The following TLN1 variants were observed in gnomAD, a reference collection of about 807,000 sequenced individuals.
The protein encoded by TLN1 is talin 1.
TLN1 carries 56 observed loss-of-function variants against 292.3 expected under a neutral mutation model. The observed-to-expected ratio is 0.19, with a 90% confidence interval of 0.15 to 0.24. The LOEUF (loss-of-function observed/expected upper bound fraction) is 0.24, where lower values mean the gene tolerates loss of function less well. Ranked by LOEUF, TLN1 falls within the 10% of genes least tolerant of loss-of-function variation. TLN1 has a pLI of 1.00. For synonymous variants in TLN1, 1,119 were observed against 1,253.7 expected, an observed-to-expected ratio of 0.89 and a Z score of 2.27; for missense variants, 2,433 against 3,248.2, an observed-to-expected ratio of 0.75 and a Z score of 6.10.
intron 7 of TLN1, 94 bp downstream of exon 7, chr9:35,723,858 G>GT (rs1254331071): frequency 1.3e-6 from 2 of 1,559,180 alleles, no homozygotes; most frequent in Non-Finnish European, 1.7e-6. Flanking sequence ...AGAAGAAATA[G>GT]TGGGGGGCAG....
intron 30 of TLN1, 29 bp downstream of exon 30, chr9:35,711,226 C>T: frequency 1.2e-6 from 2 of 1,613,892 alleles, no homozygotes; most frequent in Non-Finnish European, 1.7e-6. Context: ...TCACACAGTC[C>T]AGGGCTGGGC....
chr9:35,713,499 C>A (rs1825715020), intron 25 of TLN1, among the ~76,000 whole-genome samples: 1 of 152,096 alleles, frequency 6.6e-6, no homozygotes, highest in Admixed American at 6.5e-5. Flanking sequence ...GCCTGGGCAA[C>A]ATGGCGAAAC....
chr9:35,706,908 C>T lies in TLN1; in HGVS notation c.4956-8G>A. On this transcript the variant is annotated splice_polypyrimidine_tract_variant and splice_region_variant and intron_variant, in intron 37 of 56. Coordinates refer to ENST00000314888, the MANE Select transcript of TLN1 (RefSeq NM_006289.4). The surrounding 1 kb of genome is among the most constrained non-coding windows in gnomAD (Gnocchi z 4.2). ...TGCCCTGGAGCCTTGTCCCTGCAGA[C>T]ACATCATGGGCTCCAACACCAAGAA... 6.2e-7 allele frequency: 1 copy of T among 1,613,668 alleles called. No homozygotes were observed. Among genetic ancestry groups the T allele is most frequent in the South Asian group, 1.1e-5 (1 of 91,050 alleles).
Position 35,697,698 on chromosome 9 carries a change from G to T in TLN1, c.*93C>A. 3.2e-6 allele frequency: 5 copies of T among 1,545,548 alleles called. No homozygotes were observed. Among genetic ancestry groups the T allele is most frequent in the Admixed American group, 1.8e-5 (1 of 55,020 alleles). ...TGGCAGGCACTTTGGGGAGTGCTGG[G>T]GTTGGGCAGGTTGGGCCCCGACAGC... On this transcript the variant is annotated 3_prime_UTR_variant, in exon 57 of 57. Transcript: ENST00000314888.
Position 35,719,887 on chromosome 9 carries a change from T to C in TLN1, c.1465-34A>G. 6.4e-7 allele frequency: 1 copy of C among 1,569,142 alleles called. No individual in the cohort carries two copies. The highest frequency in any genetic ancestry group is 1.2e-5 in the South Asian group (1 of 86,416). ...AAGTGGGGAGAAACAGGGACTGGAA[T>C]GGATGTTTGGAGAAAAGAGAAGGTA... is the stretch of plus-strand genomic sequence containing the variant. On this transcript the variant is annotated intron_variant, in intron 13 of 56. Coordinates refer to ENST00000314888, the MANE Select transcript of TLN1 (RefSeq NM_006289.4). The surrounding 1 kb of genome is among the most constrained non-coding windows in gnomAD (Gnocchi z 4.6).
chr9:35,701,297 A>G (rs1260210142), intron 48 of TLN1, among the ~76,000 whole-genome samples: 1 of 152,066 alleles, frequency 6.6e-6, no homozygotes, highest in Admixed American at 6.6e-5. Flanking sequence ...TCTAATATAT[A>G]TATATTTCTT....
At chr9:35,725,807 G>C in intron 1 of TLN1, 80 bp from the exon 2 acceptor site, 2 of 1,355,110 alleles carry the variant, frequency 1.5e-6, no homozygotes, top group Admixed American at 2.1e-5. Flanking sequence ...TCCAAGGGAA[G>C]AGTGTTTTTG....
Position 35,707,692 on chromosome 9 carries a change from A to ACAGGT in TLN1, c.4632+34_4632+38dup. 1 of 1,613,486 alleles carries ACAGGT rather than the reference A, an allele frequency of 6.2e-7. No homozygotes were observed. Among genetic ancestry groups the ACAGGT allele is most frequent in the Non-Finnish European group, 8.5e-7 (1 of 1,179,540 alleles). On this transcript the variant is annotated intron_variant, in intron 35 of 56. Coordinates refer to ENST00000314888, the MANE Select transcript of TLN1 (RefSeq NM_006289.4). This position sits in a 1 kb window ranked among gnomAD's most constrained non-coding sequence, Gnocchi z 5.6. ...TGGGGGACTCGGGGGAGAAGATAGGACAGGTCAGGGAGAGGCTGGGAATTC... is the reference window on the plus strand; with the variant it reads ...TGGGGGACTCGGGGGAGAAGATAGGACAGGTCAGGTCAGGGAGAGGCTGGGAATTC...
chr9:35,710,428 A>C (rs926032815), intron 33 of TLN1, 133 bp downstream of exon 33: 11 of 1,295,270 alleles, frequency 8.5e-6, no homozygotes, highest in Non-Finnish European at 1.2e-5. Flanking sequence ...CTTCAGGAGG[A>C]GGACAACCCA....
chr9:35,700,534 T>A (rs1013195007), intron 48 of TLN1, among the ~76,000 whole-genome samples, 158 bp from the exon 49 acceptor site: 7 of 151,938 alleles, frequency 4.6e-5, no homozygotes, highest in Non-Finnish European at 1.0e-4. Context: ...CTGGGGAGTT[T>A]GTTTGTTTGT....
rs765301783 is a variant in TLN1 at position 35,705,858 on chromosome 9, G to T, written c.5512-7C>A. 1.2e-6 allele frequency: 2 copies of T among 1,614,206 alleles called. No homozygotes were observed. Among genetic ancestry groups the T allele is most frequent in the Non-Finnish European group, 1.7e-6 (2 of 1,180,034 alleles). On this transcript the variant is annotated splice_region_variant and splice_polypyrimidine_tract_variant and intron_variant, in intron 41 of 56. Coordinates refer to ENST00000314888, the MANE Select transcript of TLN1 (RefSeq NM_006289.4). ...CCATTGGTCCTTCATCTAGCTGAGG[G>T]GGGAGGATAGGGAAAGGGAAAGACT...
In TLN1 at chr9:35,717,833, TCA is replaced by T. The variant is rs1464869835; in HGVS notation, c.1996-49_1996-48del. The T allele has an allele frequency of 9.6e-6, 15 of 1,567,490 alleles. No individual in the cohort carries two copies. The highest frequency in any genetic ancestry group is 2.3e-4 in the Middle Eastern group (1 of 4,294). Reference sequence around the variant, plus strand: ...CATGACCTGAGATTGGGCTTGGGATTCACAGACACTTCTCAGAGGCGTAAGCT... The same window carrying T: ...CATGACCTGAGATTGGGCTTGGGATTCAGACACTTCTCAGAGGCGTAAGCT... On this transcript the variant is annotated intron_variant, in intron 17 of 56. Transcript: ENST00000314888. This position sits in a 1 kb window ranked among gnomAD's most constrained non-coding sequence, Gnocchi z 4.7.
intron 25 of TLN1, among the ~76,000 whole-genome samples, 189 bp downstream of exon 25, chr9:35,713,764 G>C (rs1825721583): frequency 7.0e-6 from 1 of 143,684 alleles, no homozygotes; most frequent in South Asian, 2.2e-4. Flanking sequence ...AGAAAAGAAA[G>C]GAAGGAAGAA....
chr9:35,701,015 CAG>C (rs1421842774), intron 48 of TLN1, among the ~76,000 whole-genome samples: 1 of 152,152 alleles, frequency 6.6e-6, no homozygotes, highest in Non-Finnish European at 1.5e-5. Flanking sequence ...AGAATAGAGA[CAG>C]TGCTGTGATG....
intron 27 of TLN1, 82 bp from the exon 28 acceptor site, chr9:35,712,206 T>C (rs1462452298): frequency 2.0e-6 from 3 of 1,503,296 alleles, no homozygotes; most frequent in Non-Finnish European, 2.7e-6. Context: ...GGGAGATGAC[T>C]AGCTCTACTG....
In TLN1 at chr9:35,710,670, G is replaced by C; in HGVS notation, c.4217C>G (p.Ala1406Gly). 2.5e-6 allele frequency: 4 copies of C among 1,614,174 alleles called. No individual in the cohort carries two copies. Among genetic ancestry groups the C allele is most frequent in the Non-Finnish European group, 3.4e-6 (4 of 1,180,034 alleles). Residue 1406 changes from alanine to glycine, a missense_variant, in exon 33 of 57, where the codon GCC becomes GGC. By Grantham distance (60) the Ala-to-Gly change is moderately conservative. Transcript: ENST00000314888. Reference sequence around the variant, plus strand: ...GGCATTTTGGGAGATGCCAGTCATGGCCTCGCCCAGCACCTGAGGAACAGA... The same window carrying C: ...GGCATTTTGGGAGATGCCAGTCATGCCCTCGCCCAGCACCTGAGGAACAGA... ...VMENSKVLGE[A>G]MTGISQNAKN...
At chr9:35,710,964 T>C (rs369392998) in intron 31 of TLN1, 25 bp downstream of exon 31, 2 of 1,613,892 alleles carry the variant, frequency 1.2e-6, no homozygotes, top group African/African-American at 2.7e-5. Context: ...TCAACCTCAA[T>C]GCCATCAGCC....
chr9:35,715,007 C>T (rs998069436), intron 21 of TLN1, 52 bp downstream of exon 21: 4 of 1,611,976 alleles, frequency 2.5e-6, no homozygotes, highest in Non-Finnish European at 3.4e-6. Flanking sequence ...CAGTTCATTC[C>T]TCCCACAGCA....
chr9:35,700,634 G>C (rs1369582788), intron 48 of TLN1, among the ~76,000 whole-genome samples: 2 of 152,172 alleles, frequency 1.3e-5, no homozygotes, highest in Non-Finnish European at 2.9e-5. Flanking sequence ...GAGAGGCAGA[G>C]CTAGGCCATA....
Sources: gnomAD v4.1 joint callset for allele counts (sites outside exome capture counted in the v4.1 genomes callset) on GRCh38, gnomAD v4.1.1 for gene constraint, Gnocchi (gnomAD v3.1) non-coding constraint, MANE v1.5 for transcripts, NCBI Gene and HGNC (gene_info 2026-07-23, HGNC 2026-07-21) for gene names.